PAFAH1B1: variants seen among roughly 807,000 people sequenced by gnomAD.
PAFAH1B1 encodes the protein platelet-activating factor acetylhydrolase IB subunit beta.
A neutral mutation model predicts 57.5 loss-of-function variants in PAFAH1B1; 2 were observed. The observed-to-expected ratio is 0.03, with a 90% confidence interval of 0.01 to 0.11. PAFAH1B1 has a LOEUF of 0.11. Ranked by LOEUF, PAFAH1B1 falls within the 10% of genes least tolerant of loss-of-function variation. PAFAH1B1 has a pLI of 1.00. For synonymous variants in PAFAH1B1, 152 were observed against 169.6 expected (o/e 0.90, Z 0.81); for missense variants, 257 against 512.0 (o/e 0.50, Z 4.81).
intron 1 of PAFAH1B1, among the ~76,000 whole-genome samples, chr17:2,603,857 C>G (rs780683071): frequency 1.7e-4 from 26 of 151,754 alleles, no homozygotes; most frequent in Non-Finnish European, 3.4e-4. Flanking sequence ...TCTGCCTCAG[C>G]CTCCTGAGTA....
chr17:2,626,405 A>G (rs2151626572), intron 1 of PAFAH1B1, among the ~76,000 whole-genome samples: 1 of 152,252 alleles, frequency 6.6e-6, no homozygotes, highest in East Asian at 1.9e-4. Flanking sequence ...ATACATGTTA[A>G]AGGTTGGAAA....
rs73976559 is a variant in PAFAH1B1 at position 2,618,502 on chromosome 17, A to G, written c.-190-19597A>G. ...CTCTTACGGAGTATTTTGTCCTTCT[A>G]TGTAATCTCATGGATTTAGCTAAAG... is the stretch of plus-strand genomic sequence containing the variant. On this transcript the variant is annotated intron_variant, in intron 1 of 10. Coordinates refer to ENST00000397195, the MANE Select transcript of PAFAH1B1 (RefSeq NM_000430.4). 9.7e-3 allele frequency among the ~76,000 whole-genome samples: 1,473 copies of G among 152,242 alleles called. 28 individuals carry two copies. Among genetic ancestry groups the G allele is most frequent in the African/African-American group, 0.033 (1,385 of 41,556 alleles).
At chr17:2,678,692 C>T (rs1253366772) in intron 9 of PAFAH1B1, among the ~76,000 whole-genome samples, 1 of 152,142 alleles carries the variant, frequency 6.6e-6, no homozygotes, top group African/African-American at 2.4e-5. Context: ...CCAGCCTGAG[C>T]AACATAACAA....
chr17:2,667,344 A>AG, intron 5 of PAFAH1B1, 146 bp downstream of exon 5: 2 of 650,104 alleles, frequency 3.1e-6, no homozygotes, highest in South Asian at 3.3e-5. Flanking sequence ...AAAAAAAAAA[A>AG]GCAGACTTAA....
chr17:2,613,948 G>A, intron 1 of PAFAH1B1: 1 of 185,224 alleles, frequency 5.4e-6, no homozygotes, highest in Non-Finnish European at 1.1e-5. Flanking sequence ...AGAGGGGGCG[G>A]CTGTGGCAGC....
At chr17:2,620,515 T>G (rs940445663) in intron 1 of PAFAH1B1, among the ~76,000 whole-genome samples, 24 of 152,230 alleles carry the variant, frequency 1.6e-4, no homozygotes, top group African/African-American at 4.6e-4. Context: ...GCTGGTTGTC[T>G]GTGCTGTTTA....
intron 1 of PAFAH1B1, among the ~76,000 whole-genome samples, chr17:2,617,454 A>G (rs779186332): frequency 1.3e-5 from 2 of 152,242 alleles, no homozygotes; most frequent in African/African-American, 2.4e-5. Context: ...GAATTTTACA[A>G]CTTTTTCAGT....
At position 2,656,025 on chromosome 17, in the gene PAFAH1B1, T is replaced by C. The variant is rs536751785; in HGVS notation, c.33-9347T>C. ...TGCAACCTCCGCCCCTGGGTTCAAG[T>C]GATTCTCCTGCTTCAGCCTCCCAAG... On this transcript the variant is annotated intron_variant, in intron 2 of 10. Coordinates refer to ENST00000397195, the MANE Select transcript of PAFAH1B1 (RefSeq NM_000430.4). Among the ~76,000 whole-genome samples the C allele has an allele frequency of 1.6e-4, 24 of 152,126 alleles. No individual in the cohort carries two copies. In the East Asian group the frequency reaches 4.7e-3, roughly 30 times the overall value.
At chr17:2,642,323 C>A (rs2068706692) in intron 2 of PAFAH1B1, 1 of 152,168 alleles carries the variant, frequency 6.6e-6, no homozygotes, top group Admixed American at 6.6e-5. Flanking sequence ...TACAAGTGGA[C>A]AGTTCCACAC....
intron 7 of PAFAH1B1, 155 bp from the exon 8 acceptor site, chr17:2,673,905 C>T: frequency 3.2e-6 from 2 of 630,022 alleles, no homozygotes; most frequent in Non-Finnish European, 2.9e-6. Flanking sequence ...GCTTATTGTT[C>T]CTACTTTAAT....
At chr17:2,631,932 A>C (rs767524857) in intron 1 of PAFAH1B1, among the ~76,000 whole-genome samples, 44 of 152,288 alleles carry the variant, frequency 2.9e-4, no homozygotes, top group Admixed American at 5.2e-4. Context: ...AGACCCTTCC[A>C]CAAAGTTAGA....
At chr17:2,677,780 G>A (rs560031049) in intron 9 of PAFAH1B1, among the ~76,000 whole-genome samples, 1 of 152,078 alleles carries the variant, frequency 6.6e-6, no homozygotes, top group Non-Finnish European at 1.5e-5. Context: ...CGTGAACCCG[G>A]GAGGCGGAGC....
At chr17:2,649,745 C>G (rs1258147736) in intron 2 of PAFAH1B1, among the ~76,000 whole-genome samples, 2 of 152,228 alleles carry the variant, frequency 1.3e-5, no homozygotes, top group African/African-American at 4.8e-5. Context: ...ACTTGACCAG[C>G]TTGATCTTAA....
rs915431613 is a variant in PAFAH1B1, at chr17:2,685,460, A to T, written c.*3658A>T. On this transcript the variant is annotated 3_prime_UTR_variant, in exon 11 of 11. Transcript: ENST00000397195. The stretch of plus-strand genomic sequence containing the variant: ...TCACTGAAGATATTGACACAATTTT[A>T]AAAAATCAGTAAAGGAATGTATATA... 5.2e-5 allele frequency: 8 copies of T among 152,624 alleles called. No individual in the cohort carries two copies. Among genetic ancestry groups the T allele is most frequent in the African/African-American group, 9.7e-5 (4 of 41,436 alleles). 9.5% of individuals were successfully genotyped at this position (152,624 alleles called of 1,614,324 possible).
intron 2 of PAFAH1B1, among the ~76,000 whole-genome samples, chr17:2,652,088 G>A (rs1050740515): frequency 7.2e-5 from 11 of 152,068 alleles, no homozygotes; most frequent in Non-Finnish European, 1.2e-4. Flanking sequence ...ATCCTTTTCA[G>A]ATTGGCTGCT....
intron 1 of PAFAH1B1, among the ~76,000 whole-genome samples, chr17:2,594,622 C>T (rs1432238573): frequency 6.6e-6 from 1 of 152,200 alleles, no homozygotes; most frequent in Non-Finnish European, 1.5e-5. Context: ...GTGCGGCGGT[C>T]CAGCCTCAGC....
Position 2,680,193 on chromosome 17 carries a change from T to G in PAFAH1B1, c.1032T>G (p.Val344=). 1 of 1,614,196 alleles carries G rather than the reference T, an allele frequency of 6.2e-7. No homozygotes were observed. ...GTCATGATAACTGGGTACGTGGAGT[T>G]CTGTTCCATTCTGGGGGGAAGTTTA... ...LVGHDNWVRG[V]LFHSGGKFIL... Residue 344 remains valine (V), a synonymous_variant, in exon 10 of 11, where the codon GTT becomes GTG. Transcript: ENST00000397195.
At chr17:2,651,828 G>A (rs541383833) in intron 2 of PAFAH1B1, among the ~76,000 whole-genome samples, 70 of 152,124 alleles carry the variant, frequency 4.6e-4, no homozygotes, top group Non-Finnish European at 7.4e-4. Flanking sequence ...TATTATAATT[G>A]ATGAGCCAAC....
At chr17:2,606,859 G>A (rs12946469) in intron 1 of PAFAH1B1, among the ~76,000 whole-genome samples, 39,900 of 127,152 alleles carry the variant, frequency 0.31, 5,899 homozygotes, top group Middle Eastern at 0.46. Context: ...TCGCTCTGTC[G>A]CCCAGGCTGG....
Sources: allele counts gnomAD v4.1 joint callset (sites outside exome capture counted in the v4.1 genomes callset), GRCh38; gene constraint gnomAD v4.1.1; transcripts MANE v1.5; gene names NCBI Gene and HGNC (gene_info 2026-07-23, HGNC 2026-07-21).